Variants in DNAJC3 observed in about 807,000 individuals in gnomAD.
DNAJC3 encodes DnaJ heat shock protein family (Hsp40) member C3.
In DNAJC3, 38 loss-of-function variants were observed where a neutral mutation model predicts 68.6. That is an observed-to-expected ratio of 0.55 (90% CI 0.43 to 0.73). DNAJC3 has a LOEUF of 0.73. Among genes scored for constraint, DNAJC3 ranks in the 30% least tolerant of loss-of-function variants. DNAJC3 has a pLI of 0.00. For missense variants in DNAJC3, 526 were observed against 591.9 expected (o/e 0.89, Z 1.16); for synonymous variants, 203 against 204.0 (o/e 1.00, Z 0.04).
At chr13:95,767,691 G>GGTTTTTTTT (rs1555328431) in intron 9 of DNAJC3, among the ~76,000 whole-genome samples, 32 of 135,796 alleles carry the variant, frequency 2.4e-4, no homozygotes, top group African/African-American at 8.5e-4. Context: ...AGTTTTTTGG[G>GGTTTTTTTT]TTTTTTTTTT....
rs142054114 is a variant in DNAJC3 at position 95,695,679 on chromosome 13, C to T, written c.83-13548C>T. 1.6e-3 allele frequency: 248 copies of T among 152,262 alleles called. 1 individual carries two copies. The highest frequency in any genetic ancestry group is 5.1e-3 in the African/African-American group (210 of 41,520). The allele number at this position is 152,262 out of a possible 1,614,324, so 9.4% of individuals were successfully genotyped here. On this transcript the variant is annotated intron_variant, in intron 1 of 11. Coordinates refer to ENST00000602402, the MANE Select transcript of DNAJC3 (RefSeq NM_006260.5). Reference sequence around the variant, plus strand: ...CCTTGCCCTTATACCACTCACTGCCCTAATTGAAAATAAGCTACTTAAATG... The same window carrying T: ...CCTTGCCCTTATACCACTCACTGCCTTAATTGAAAATAAGCTACTTAAATG...
At chr13:95,723,143 G>C (rs1466143945) in intron 2 of DNAJC3, 99 bp from the exon 3 acceptor site, 3 of 1,077,142 alleles carry the variant, frequency 2.8e-6, no homozygotes, top group Admixed American at 2.7e-5. Flanking sequence ...GTCCATCTTA[G>C]TAGAGTTGCA....
intron 2 of DNAJC3, among the ~76,000 whole-genome samples, chr13:95,721,450 C>T (rs1490290934): frequency 6.6e-6 from 1 of 152,160 alleles, no homozygotes; most frequent in Non-Finnish European, 1.5e-5. Context: ...TGCTGGCCCA[C>T]ATTGTAATTT....
At chr13:95,745,310 A>C (rs374015324) in intron 4 of DNAJC3, 1 of 152,348 alleles carries the variant, frequency 6.6e-6, no homozygotes, top group South Asian at 2.1e-4. Flanking sequence ...AAATGAAGTC[A>C]CTTGTATTAA....
In DNAJC3 at chr13:95,751,363, G is replaced by A. The variant is rs1368201899; in HGVS notation, c.394-6281G>A. On this transcript the variant is annotated intron_variant, in intron 4 of 11. Transcript: ENST00000602402. ...CTTGTGAGAAGTTGACATATGAGCT[G>A]TCTAGGTAACAAGATAAGATTGAGA... Among the ~76,000 whole-genome samples the A allele has an allele frequency of 3.3e-5, 5 of 152,214 alleles. No individual in the cohort carries two copies. In the East Asian group the frequency reaches 9.6e-4, roughly 29 times the overall value.
intron 9 of DNAJC3, among the ~76,000 whole-genome samples, chr13:95,783,714 G>T (rs140953059): frequency 2.6e-5 from 4 of 152,164 alleles, no homozygotes; most frequent in African/African-American, 9.7e-5. Context: ...TACGTAGTGT[G>T]TAGCCTGTCA....
chr13:95,734,011 T>G (rs2139650876), intron 4 of DNAJC3, among the ~76,000 whole-genome samples: 1 of 152,320 alleles, frequency 6.6e-6, no homozygotes, highest in Admixed American at 6.5e-5. Context: ...TGTTGTTTTC[T>G]GGATGTTTTG....
chr13:95,782,169 T>G (rs951321912), intron 9 of DNAJC3, among the ~76,000 whole-genome samples: 2 of 152,232 alleles, frequency 1.3e-5, no homozygotes, highest in African/African-American at 4.8e-5. Flanking sequence ...TTCCATGGTG[T>G]ATATGTGGCA....
intron 9 of DNAJC3, among the ~76,000 whole-genome samples, chr13:95,780,370 T>G (rs1460243915): frequency 1.3e-5 from 2 of 152,212 alleles, no homozygotes; most frequent in African/African-American, 4.8e-5. Flanking sequence ...GCCCTCTGCT[T>G]TATCTCCACT....
chr13:95,731,748 T>C (rs949238689), intron 4 of DNAJC3, among the ~76,000 whole-genome samples: 3 of 152,118 alleles, frequency 2.0e-5, no homozygotes. Flanking sequence ...CATGACTCGC[T>C]GCAGCCTCAA....
chr13:95,691,965 G>T (rs574503678), intron 1 of DNAJC3, among the ~76,000 whole-genome samples: 3 of 152,202 alleles, frequency 2.0e-5, no homozygotes, highest in Non-Finnish European at 4.4e-5. Flanking sequence ...TGAGGCAGGA[G>T]AATCAGGCAG....
intron 5 of DNAJC3, among the ~76,000 whole-genome samples, chr13:95,759,224 T>A (rs1252315325): frequency 1.3e-5 from 2 of 152,220 alleles, no homozygotes; most frequent in Non-Finnish European, 2.9e-5. Context: ...CCTCCTGCCC[T>A]CTCACGGTAT....
intron 1 of DNAJC3, among the ~76,000 whole-genome samples, chr13:95,687,585 C>T (rs886790936): frequency 6.6e-6 from 1 of 152,052 alleles, no homozygotes; most frequent in African/African-American, 2.4e-5. Flanking sequence ...CAATTTTGCT[C>T]ATGGATTTGG....
chr13:95,790,857 T>G lies in DNAJC3; in HGVS notation c.1358-16T>G, dbSNP rs1473889555. On this transcript the variant is annotated splice_polypyrimidine_tract_variant and intron_variant, in intron 11 of 11. Transcript: ENST00000602402. ...TTAGATATTATCTGGTTCTTAATTT[T>G]CTGATTTCTTTCTAGAAATGAGAAA... 6.2e-7 allele frequency: 1 copy of G among 1,607,078 alleles called. No homozygotes were observed. The highest frequency in any genetic ancestry group is 8.5e-7 in the Non-Finnish European group (1 of 1,178,592).
At chr13:95,737,189 G>T (rs1299712518) in intron 4 of DNAJC3, among the ~76,000 whole-genome samples, 13 of 151,180 alleles carry the variant, frequency 8.6e-5, no homozygotes, top group South Asian at 2.1e-4. Flanking sequence ...TCATGGTGGA[G>T]AAGCTTTTTG....
At position 95,720,532 on chromosome 13, in the gene DNAJC3, A is replaced by G. The variant is rs1480165045; in HGVS notation, c.194-2710A>G. ...TTAAGTATGAAATCATTCTATGGCCAGTTCACAAACCAGACCCATAAAATT... is the reference window on the plus strand; with the variant it reads ...TTAAGTATGAAATCATTCTATGGCCGGTTCACAAACCAGACCCATAAAATT... On this transcript the variant is annotated intron_variant, in intron 2 of 11. Coordinates refer to ENST00000602402, the MANE Select transcript of DNAJC3 (RefSeq NM_006260.5). Among the ~76,000 whole-genome samples the G allele has an allele frequency of 2.6e-5, 4 of 152,192 alleles. No homozygotes were observed. The East Asian group carries it at 7.7e-4, about 29-fold the overall frequency.
At chr13:95,744,299 G>C (rs1025297213) in intron 4 of DNAJC3, among the ~76,000 whole-genome samples, 4 of 152,028 alleles carry the variant, frequency 2.6e-5, no homozygotes, top group Non-Finnish European at 4.4e-5. Context: ...TTATTTCATA[G>C]GAAAGTACTC....
intron 2 of DNAJC3, among the ~76,000 whole-genome samples, chr13:95,709,604 C>T (rs2139626022): frequency 6.8e-6 from 1 of 146,196 alleles, no homozygotes; most frequent in Non-Finnish European, 1.5e-5. Flanking sequence ...AACAGCTTTT[C>T]TCAGTGTATT....
At chr13:95,716,432 C>T (rs73550567) in intron 2 of DNAJC3, among the ~76,000 whole-genome samples, 1,719 of 152,318 alleles carry the variant, frequency 0.011, 35 homozygotes, top group African/African-American at 0.039. Context: ...ACGCCATCTG[C>T]AGACGGCTTG....
Sources: gnomAD v4.1 joint callset for allele counts (sites outside exome capture counted in the v4.1 genomes callset) on GRCh38, gnomAD v4.1.1 for gene constraint, MANE v1.5 for transcripts, NCBI Gene and HGNC (gene_info 2026-07-23, HGNC 2026-07-21) for gene names.